The following RGS6 variants were observed in gnomAD, a reference collection of about 807,000 sequenced individuals.
The protein encoded by RGS6 is regulator of G protein signaling 6, also known as regulator of G-protein signaling 6.
In RGS6, 30 loss-of-function variants were observed where a neutral mutation model predicts 78.5. The ratio of observed to expected loss-of-function variants is 0.38; its 90% CI spans 0.29 to 0.52. The LOEUF (loss-of-function observed/expected upper bound fraction) is 0.52. Ranked by LOEUF, RGS6 falls within the 20% of genes least tolerant of loss-of-function variation. The probability of loss-of-function intolerance (pLI) is 0.85; values close to 1 mark genes in which losing one functional copy is unlikely to be tolerated. For synonymous variants in RGS6, 206 were observed against 206.0 expected, an observed-to-expected ratio of 1.00 and a Z score of 0.00; for missense variants, 495 against 609.7, an observed-to-expected ratio of 0.81 and a Z score of 1.98.
At chr14:72,600,090 C>G in the RGS6 span, among the ~76,000 whole-genome samples, 1 of 152,110 alleles carries the variant, frequency 6.6e-6, no homozygotes, top group Non-Finnish European at 1.5e-5. Context: ...TCCTTCCCCC[C>G]TCCCTTCTTC....
chr14:71,888,863 T>TATTAAG, the RGS6 span, among the ~76,000 whole-genome samples: 1 of 152,166 alleles, frequency 6.6e-6, no homozygotes, highest in Non-Finnish European at 1.5e-5. Context: ...TTCTTAAGCA[T>TATTAAG]TATCACATCA....
At chr14:72,085,838 A>AGT (rs1597325568) in intron 2 of RGS6, among the ~76,000 whole-genome samples, 1 of 114,454 alleles carries the variant, frequency 8.7e-6, no homozygotes, top group Non-Finnish European at 1.7e-5. Flanking sequence ...AGGGAGACAG[A>AGT]GTGAGACACC....
chr14:72,505,285 G>T (rs1435724333), intron 13 of RGS6, among the ~76,000 whole-genome samples: 1 of 152,162 alleles, frequency 6.6e-6, no homozygotes, highest in Non-Finnish European at 1.5e-5. Context: ...CAGTTCTGGA[G>T]CTAGGAAGTC....
intron 2 of RGS6, among the ~76,000 whole-genome samples, chr14:72,131,145 C>T (rs1347881914): frequency 6.6e-6 from 1 of 152,194 alleles, no homozygotes; most frequent in Non-Finnish European, 1.5e-5. Context: ...TCTCTTGAGC[C>T]AGATTCCTAG....
intron 2 of RGS6, among the ~76,000 whole-genome samples, chr14:72,291,702 C>G (rs527774016): frequency 1.3e-5 from 2 of 152,124 alleles, no homozygotes; most frequent in African/African-American, 4.8e-5. Context: ...AAAGGACAAG[C>G]CTGGCTAAAA....
chr14:71,970,868 T>C (rs904174740), intron 2 of RGS6, among the ~76,000 whole-genome samples: 6 of 151,974 alleles, frequency 3.9e-5, no homozygotes, highest in African/African-American at 1.5e-4. Flanking sequence ...GGAGAGGGGA[T>C]GATGATGTAG....
Position 72,357,476 on chromosome 14 carries a change from T to C in RGS6, c.184+5282T>C, listed in dbSNP as rs1401321773. On this transcript the variant is annotated intron_variant, in intron 3 of 17. Transcript: ENST00000553525. ...ATGACTTTGACCAAAATACTGATAG[T>C]GATATGGACAATAAAGTCCAGGCTG... 2.0e-5 allele frequency among the ~76,000 whole-genome samples: 3 copies of C among 152,040 alleles called. No individual in the cohort carries two copies. In the East Asian group the frequency reaches 5.8e-4, roughly 29 times the overall value.
intron 2 of RGS6, among the ~76,000 whole-genome samples, chr14:72,008,691 G>T (rs1260448866): frequency 6.6e-6 from 1 of 152,180 alleles, no homozygotes; most frequent in Admixed American, 6.5e-5. Context: ...GGACATTCAG[G>T]CAGTCTGGTG....
At chr14:72,350,738 T>C (rs1460003611) in intron 2 of RGS6, among the ~76,000 whole-genome samples, 1 of 152,164 alleles carries the variant, frequency 6.6e-6, no homozygotes, top group East Asian at 1.9e-4. Context: ...TGGGGGGTTA[T>C]TTGCTGCCAT....
intron 2 of RGS6, among the ~76,000 whole-genome samples, chr14:72,286,130 A>T (rs1320060636): frequency 6.6e-6 from 1 of 152,184 alleles, no homozygotes; most frequent in African/African-American, 2.4e-5. Context: ...TATTCTAGGA[A>T]TTTTATAGTT....
In RGS6 at chr14:72,183,777, T is replaced by A. The variant is rs951523430; in HGVS notation, c.85-168318T>A. On this transcript the variant is annotated intron_variant, in intron 2 of 17. Coordinates refer to ENST00000553525, the MANE Select transcript of RGS6 (RefSeq NM_001204424.2). ...GATATCTTAAATTAGGTGCAAGGAA[T>A]TCTTTTTCCTTCTGTGCCTCAGAGC... Among the ~76,000 whole-genome samples the A allele has an allele frequency of 2.0e-5, 3 of 152,212 alleles. No homozygotes were observed. The South Asian group carries it at 6.2e-4, about 32-fold the overall frequency.
At chr14:72,504,011 G>C (rs2096764346) in intron 13 of RGS6, among the ~76,000 whole-genome samples, 1 of 152,218 alleles carries the variant, frequency 6.6e-6, no homozygotes, top group Non-Finnish European at 1.5e-5. Context: ...GGAGCATCCT[G>C]ATCTACCTAA....
rs1017197056 is a variant in RGS6 at position 71,989,781 on chromosome 14, G to A, written c.84+24906G>A. Among the ~76,000 whole-genome samples, 10 of 152,270 alleles carry A rather than the reference G, an allele frequency of 6.6e-5. No individual in the cohort carries two copies. In the East Asian group the frequency reaches 1.5e-3, roughly 24 times the overall value. ...CTCAGTGAACCTCAGGTCATCAACT[G>A]ACCTCCAGAGACGAATTTCACGTTG... On this transcript the variant is annotated intron_variant, in intron 2 of 17. Transcript: ENST00000553525.
intron 2 of RGS6, among the ~76,000 whole-genome samples, chr14:72,093,563 C>T (rs2095332105): frequency 6.6e-6 from 1 of 152,200 alleles, no homozygotes; most frequent in South Asian, 2.1e-4. Flanking sequence ...CATTTTAAAA[C>T]AATATAAGTA....
At position 72,474,693 on chromosome 14, in the gene RGS6, T is replaced by TAA; in HGVS notation, c.691_692dup (p.Val233ProfsTer5). ...GACGTTTGAAGAATCCACAAAAGGTTAAAAAGGTTCGCTAGTTTAGCTGAG... is the reference window on the plus strand; with the variant it reads ...GACGTTTGAAGAATCCACAAAAGGTTAAAAAAAGGTTCGCTAGTTTAGCTGAG... On this transcript the variant is annotated frameshift_variant, in exon 10 of 18. Coordinates refer to ENST00000553525, the MANE Select transcript of RGS6 (RefSeq NM_001204424.2). LOFTEE classifies it high-confidence loss of function. 1 of 1,613,700 alleles carries TAA rather than the reference T, an allele frequency of 6.2e-7. No homozygotes were observed. The highest frequency in any genetic ancestry group is 8.5e-7 in the Non-Finnish European group (1 of 1,179,794).
At chr14:72,533,288 A>C (rs2097205272) in intron 15 of RGS6, among the ~76,000 whole-genome samples, 1 of 152,228 alleles carries the variant, frequency 6.6e-6, no homozygotes, top group South Asian at 2.1e-4. Flanking sequence ...TGAATACTTT[A>C]AGGCCACTGT....
At chr14:71,975,826 T>C (rs1004000588) in intron 2 of RGS6, among the ~76,000 whole-genome samples, 5 of 152,192 alleles carry the variant, frequency 3.3e-5, no homozygotes, top group Non-Finnish European at 5.9e-5. Context: ...TTCTCTCTTC[T>C]TGGGATTGTG....
chr14:72,396,292 G>GGAT (rs2091250801), intron 3 of RGS6, among the ~76,000 whole-genome samples: 1 of 152,216 alleles, frequency 6.6e-6, no homozygotes, highest in Non-Finnish European at 1.5e-5. Flanking sequence ...GGCCAGTGAT[G>GGAT]ATGAGCATTT....
intron 3 of RGS6, among the ~76,000 whole-genome samples, chr14:72,428,580 G>A (rs2094513247): frequency 6.6e-6 from 1 of 152,200 alleles, no homozygotes; most frequent in Admixed American, 6.5e-5. Flanking sequence ...GGCATTCAGT[G>A]CAGAGTTCTC....
Sources: gnomAD v4.1 joint callset for allele counts (sites outside exome capture counted in the v4.1 genomes callset) on GRCh38, gnomAD v4.1.1 for gene constraint, MANE v1.5 for transcripts, NCBI Gene and HGNC (gene_info 2026-07-23, HGNC 2026-07-21) for gene names.